The following GXYLT2 variants were observed in gnomAD, a reference collection of about 807,000 sequenced individuals.
The protein encoded by GXYLT2 is glycosyltransferase 8 domain containing 4.
In GXYLT2, 53 loss-of-function variants were observed where a neutral mutation model predicts 45.8. That is an observed-to-expected ratio of 1.16 (90% CI 0.93 to 1.46). GXYLT2 has a LOEUF of 1.46. Among genes scored for constraint, GXYLT2 ranks in the 40% most tolerant of loss-of-function variants. GXYLT2 has a pLI of 0.00. For missense variants in GXYLT2, 551 were observed against 544.4 expected (o/e 1.01, Z -0.12); for synonymous variants, 219 against 214.2 (o/e 1.02, Z -0.19).
intron 1 of GXYLT2, among the ~76,000 whole-genome samples, chr3:72,898,326 T>C (rs569794892): frequency 6.6e-6 from 1 of 152,326 alleles, no homozygotes; most frequent in South Asian, 2.1e-4. Flanking sequence ...TTGTGAAATA[T>C]GTAATCCTCA....
intron 1 of GXYLT2, among the ~76,000 whole-genome samples, chr3:72,907,018 A>G (rs1284533730): frequency 6.6e-6 from 1 of 152,188 alleles, no homozygotes; most frequent in Non-Finnish European, 1.5e-5. Flanking sequence ...GGGGTTAAAG[A>G]TAAGATTGGA....
chr3:72,892,779 A>G (rs1472557093), intron 1 of GXYLT2, among the ~76,000 whole-genome samples: 1 of 152,210 alleles, frequency 6.6e-6, no homozygotes, highest in East Asian at 1.9e-4. Context: ...CCCAGAGCAC[A>G]TTAAAGGTGT....
intron 2 of GXYLT2, among the ~76,000 whole-genome samples, chr3:72,914,186 G>A (rs1265172336): frequency 1.3e-5 from 2 of 152,112 alleles, no homozygotes; most frequent in African/African-American, 4.8e-5. Flanking sequence ...CTGCAGTATG[G>A]GCGAGTTCTT....
chr3:72,912,013 A>ATATATATTTTT (rs1156864738), intron 2 of GXYLT2, among the ~76,000 whole-genome samples: 3 of 114,924 alleles, frequency 2.6e-5, no homozygotes, highest in African/African-American at 1.2e-4. Flanking sequence ...ATATATATAT[A>ATATATATTTTT]TTTTTTTTTT....
At chr3:72,918,047 G>T (rs1034534545) in intron 2 of GXYLT2, among the ~76,000 whole-genome samples, 1 of 152,082 alleles carries the variant, frequency 6.6e-6, no homozygotes, top group Non-Finnish European at 1.5e-5. Context: ...GGCTTTGCAG[G>T]CTGTATGGTC....
chr3:72,963,794 T>C (rs776954175), intron 5 of GXYLT2, among the ~76,000 whole-genome samples: 1 of 149,500 alleles, frequency 6.7e-6, no homozygotes, highest in Non-Finnish European at 1.5e-5. Flanking sequence ...TGCCTCACCC[T>C]CCCAAGTAGC....
intron 3 of GXYLT2, among the ~76,000 whole-genome samples, chr3:72,936,675 A>T (rs201541210): frequency 6.8e-6 from 1 of 146,028 alleles, no homozygotes; most frequent in Non-Finnish European, 1.5e-5. Context: ...ACAAAAAAAA[A>T]CCGAAACAAA....
At chr3:72,968,069 G>A (rs1267079761) in intron 6 of GXYLT2, among the ~76,000 whole-genome samples, 2 of 152,158 alleles carry the variant, frequency 1.3e-5, no homozygotes, top group Non-Finnish European at 2.9e-5. Flanking sequence ...CACCTCCTGG[G>A]TTCAAGTGAT....
At chr3:72,932,138 C>T (rs112070638) in intron 3 of GXYLT2, among the ~76,000 whole-genome samples, 16,785 of 151,742 alleles carry the variant, frequency 0.11, 1,302 homozygotes, top group Non-Finnish European at 0.17. Context: ...CACCAACCTC[C>T]GCCTTCTGGG....
intron 1 of GXYLT2, among the ~76,000 whole-genome samples, chr3:72,889,712 A>C (rs1709141020): frequency 6.6e-6 from 1 of 152,186 alleles, no homozygotes; most frequent in Admixed American, 6.5e-5. Context: ...TGCAAGTTTA[A>C]TATGATTGCT....
At chr3:72,968,577 AG>A (rs1710918374) in intron 6 of GXYLT2, among the ~76,000 whole-genome samples, 1 of 152,236 alleles carries the variant, frequency 6.6e-6, no homozygotes, top group South Asian at 2.1e-4. Flanking sequence ...ACAAGATAAG[AG>A]TCAAGTGCAT....
chr3:72,959,245 G>A (rs1710721056), intron 5 of GXYLT2, among the ~76,000 whole-genome samples: 1 of 149,916 alleles, frequency 6.7e-6, no homozygotes. Flanking sequence ...AGCCTCCCGA[G>A]TAGCTGGGAT....
At chr3:72,950,516 A>G (rs899395830) in intron 3 of GXYLT2, among the ~76,000 whole-genome samples, 2 of 152,090 alleles carry the variant, frequency 1.3e-5, no homozygotes, top group South Asian at 4.1e-4. Flanking sequence ...CTGTGGACCC[A>G]GCTACACAGG....
Position 72,899,659 on chromosome 3 carries a change from A to G in GXYLT2, c.276-8708A>G, listed in dbSNP as rs142170359. 3.0e-3 allele frequency among the ~76,000 whole-genome samples: 450 copies of G among 152,286 alleles called. 1 individual carries two copies. Among genetic ancestry groups the G allele is most frequent in the African/African-American group, 0.01 (421 of 41,552 alleles). On this transcript the variant is annotated intron_variant, in intron 1 of 6. Coordinates refer to ENST00000389617, the MANE Select transcript of GXYLT2 (RefSeq NM_001080393.2). The stretch of plus-strand genomic sequence containing the variant: ...TCAACTGCCAACACTTGACATGGCT[A>G]TAATTATCCATCGCCGGACTCTTCT...
chr3:72,916,615 C>T (rs1709749073), intron 2 of GXYLT2, among the ~76,000 whole-genome samples: 3 of 152,130 alleles, frequency 2.0e-5, no homozygotes, highest in Non-Finnish European at 4.4e-5. Context: ...TCTCCACTCA[C>T]TGCAACCTCT....
At chr3:72,945,727 T>C (rs1307265323) in intron 3 of GXYLT2, among the ~76,000 whole-genome samples, 2 of 152,190 alleles carry the variant, frequency 1.3e-5, no homozygotes, top group African/African-American at 4.8e-5. Context: ...GGGAAGTTGC[T>C]TATCATGAAC....
chr3:72,908,138 T>G (rs1486212889), intron 1 of GXYLT2: 4 of 492,058 alleles, frequency 8.1e-6, no homozygotes, highest in Non-Finnish European at 3.6e-6. Context: ...CTCAGACACC[T>G]ATAGCAGTCC....
intron 2 of GXYLT2, among the ~76,000 whole-genome samples, chr3:72,914,355 T>G (rs1003570121): frequency 6.6e-6 from 1 of 152,120 alleles, no homozygotes; most frequent in Non-Finnish European, 1.5e-5. Flanking sequence ...CCTAGGCTTT[T>G]CCGGCAGCTT....
intron 2 of GXYLT2, among the ~76,000 whole-genome samples, chr3:72,919,835 ACTGTT>A (rs1439266065): frequency 6.6e-6 from 1 of 152,234 alleles, no homozygotes; most frequent in Non-Finnish European, 1.5e-5. Flanking sequence ...CGGTAGTGAC[ACTGTT>A]CTGTATACTG....
Sources: gnomAD v4.1 joint callset for allele counts (sites outside exome capture counted in the v4.1 genomes callset) on GRCh38, gnomAD v4.1.1 for gene constraint, MANE v1.5 for transcripts, NCBI Gene and HGNC (gene_info 2026-07-23, HGNC 2026-07-21) for gene names.